The following KIF26B variants were observed in gnomAD, a reference collection of about 807,000 sequenced individuals.
The protein encoded by KIF26B is kinesin family member 26B, also known as kinesin-like protein KIF26B.
A neutral mutation model predicts 151.2 loss-of-function variants in KIF26B; 63 were observed. The ratio of observed to expected loss-of-function variants is 0.42; its 90% CI spans 0.34 to 0.51. The LOEUF (loss-of-function observed/expected upper bound fraction) is 0.51. Ranked by LOEUF, KIF26B falls within the 20% of genes least tolerant of loss-of-function variation. KIF26B has a pLI of 0.07. For missense variants in KIF26B, 2,813 were observed against 2,913.6 expected (o/e 0.97, Z 0.79); for synonymous variants, 1,357 against 1,262.1 (o/e 1.08, Z -1.59).
intron 4 of KIF26B, among the ~76,000 whole-genome samples, chr1:245,471,123 G>GTATATATATATATATATATATATA (rs200717016): frequency 6.4e-5 from 9 of 139,660 alleles, no homozygotes; most frequent in African/African-American, 2.3e-4. Flanking sequence ...GTATGTGTGT[G>GTATATATATATATATATATATATA]TGTGTGTGTA....
At chr1:245,189,587 G>T (rs567472186) in intron 2 of KIF26B, among the ~76,000 whole-genome samples, 1 of 152,108 alleles carries the variant, frequency 6.6e-6, no homozygotes, top group African/African-American at 2.4e-5. Flanking sequence ...CTAGATGTCC[G>T]CTGAGAGTTT....
chr1:245,397,408 G>T (rs942749100), intron 3 of KIF26B, among the ~76,000 whole-genome samples: 2 of 151,982 alleles, frequency 1.3e-5, no homozygotes, highest in African/African-American at 4.8e-5. Context: ...TAGAAATGGT[G>T]TTTCACCATG....
intron 5 of KIF26B, among the ~76,000 whole-genome samples, chr1:245,577,696 CG>C (rs1283575746): frequency 6.8e-6 from 1 of 146,650 alleles, no homozygotes; most frequent in African/African-American, 2.5e-5. Flanking sequence ...GAACTCCGGG[CG>C]ATGCATCTCC....
At chr1:245,640,203 C>T (rs1271323168) in intron 9 of KIF26B, among the ~76,000 whole-genome samples, 1 of 140,204 alleles carries the variant, frequency 7.1e-6, no homozygotes, top group Admixed American at 7.4e-5. Context: ...GTTATATCCT[C>T]TTTCAGAATT....
chr1:245,638,098 T>C (rs187312604), intron 9 of KIF26B, among the ~76,000 whole-genome samples: 2 of 152,158 alleles, frequency 1.3e-5, no homozygotes, highest in African/African-American at 4.8e-5. Flanking sequence ...TTGGGTAGTA[T>C]AGACATTTTA....
In KIF26B at chr1:245,704,910, G is replaced by C. The variant is rs911151279; in HGVS notation, c.*2304G>C. 2 of 152,176 alleles carry C rather than the reference G, an allele frequency of 1.3e-5. No individual in the cohort carries two copies. Among genetic ancestry groups the C allele is most frequent in the African/African-American group, 2.4e-5 (1 of 41,428 alleles). The allele number at this position is 152,176 out of a possible 1,614,324, so 9.4% of individuals were successfully genotyped here. On this transcript the variant is annotated 3_prime_UTR_variant, in exon 15 of 15. Coordinates refer to ENST00000407071, the MANE Select transcript of KIF26B (RefSeq NM_018012.4). ...AAAGGTGAATATTCTGTTTTTGTTG[G>C]AAAGAAACTCATCTGATGAGTCATC...
Position 245,291,840 on chromosome 1 carries a change from A to G in KIF26B, c.466-74994A>G, listed in dbSNP as rs1671257976. On this transcript the variant is annotated intron_variant, in intron 2 of 14. Transcript: ENST00000407071. Reference sequence around the variant, plus strand: ...GGGCCCAGAGACGGTACGGTGGAGCACTTTTCAGAGAGAGGGAGTGTGCAG... The same window carrying G: ...GGGCCCAGAGACGGTACGGTGGAGCGCTTTTCAGAGAGAGGGAGTGTGCAG... Among the ~76,000 whole-genome samples, 3 of 152,216 alleles carry G rather than the reference A, an allele frequency of 2.0e-5. No individual in the cohort carries two copies. In the South Asian group the frequency reaches 6.2e-4, roughly 32 times the overall value.
At chr1:245,176,288 G>GTAAT (rs1456844169) in intron 2 of KIF26B, among the ~76,000 whole-genome samples, 1 of 152,028 alleles carries the variant, frequency 6.6e-6, no homozygotes, top group Non-Finnish European at 1.5e-5. Flanking sequence ...CGTGAGCCTT[G>GTAAT]TAATTACAGG....
intron 9 of KIF26B, among the ~76,000 whole-genome samples, 200 bp from the exon 10 acceptor site, chr1:245,645,921 C>T (rs891572909): frequency 6.6e-6 from 1 of 152,150 alleles, no homozygotes; most frequent in South Asian, 2.1e-4. Flanking sequence ...GTCAGTGGTG[C>T]GTGGTGGAAA....
intron 2 of KIF26B, among the ~76,000 whole-genome samples, chr1:245,355,755 T>C (rs1482796441): frequency 6.6e-6 from 1 of 152,212 alleles, no homozygotes; most frequent in African/African-American, 2.4e-5. Context: ...TGTCTTGAAT[T>C]ATTTTGTATA....
In KIF26B at chr1:245,540,854, C is replaced by G. The variant is rs1420156154; in HGVS notation, c.1254C>G (p.Thr418=). 9 of 1,613,812 alleles carry G rather than the reference C, an allele frequency of 5.6e-6. No individual in the cohort carries two copies. The highest frequency in any genetic ancestry group is 7.6e-6 in the Non-Finnish European group (9 of 1,179,854). ...SSAAEPPLFA[T]SFSGILQTSP... is the part of the protein sequence containing the mutation. Reference sequence around the variant, plus strand: ...CTGCCGAACCACCGCTCTTTGCAACCAGCTTCAGTGGGATTCTGCAGACCT... The same window carrying G: ...CTGCCGAACCACCGCTCTTTGCAACGAGCTTCAGTGGGATTCTGCAGACCT... Residue 418 remains threonine, a synonymous_variant, in exon 5 of 15, where the codon ACC becomes ACG. Coordinates refer to ENST00000407071, the MANE Select transcript of KIF26B (RefSeq NM_018012.4). This position sits in a 1 kb window ranked among gnomAD's most constrained non-coding sequence, Gnocchi z 4.6.
At chr1:245,420,354 G>A (rs907411384) in intron 4 of KIF26B, among the ~76,000 whole-genome samples, 27 of 152,210 alleles carry the variant, frequency 1.8e-4, no homozygotes, top group Admixed American at 1.0e-3. Flanking sequence ...GACGGGGCGG[G>A]AGACGAAGGA....
intron 2 of KIF26B, among the ~76,000 whole-genome samples, chr1:245,271,564 G>A (rs1670856650): frequency 1.4e-5 from 2 of 147,048 alleles, no homozygotes; most frequent in Non-Finnish European, 3.0e-5. Flanking sequence ...ATGAAAGGAT[G>A]TTGAATTCAG....
rs982127804 is a variant in KIF26B at position 245,688,479 on chromosome 1, C to CG, written c.5503dup (p.Ala1835GlyfsTer154). ...GGGCCGGGCCCGAGGCGGAGGCGCG[C>CG]GGGGGGGCCCTGGCCGAGGACGAGC... On this transcript the variant is annotated frameshift_variant, in exon 12 of 15. Transcript: ENST00000407071. LOFTEE classifies it high-confidence loss of function. The CG allele has an allele frequency of 1.7e-5, 24 of 1,385,446 alleles. No individual in the cohort carries two copies. Among genetic ancestry groups the CG allele is most frequent in the South Asian group, 1.0e-4 (6 of 59,036 alleles). The allele number at this position is 1,385,446 out of a possible 1,614,324, so 85.8% of individuals were successfully genotyped here.
intron 2 of KIF26B, among the ~76,000 whole-genome samples, chr1:245,322,130 C>A (rs1307106352): frequency 1.3e-5 from 2 of 152,122 alleles, no homozygotes; most frequent in African/African-American, 2.4e-5. Context: ...AACAAAAAAA[C>A]CAAACACCGC....
At chr1:245,460,355 A>C (rs1659620731) in intron 4 of KIF26B, among the ~76,000 whole-genome samples, 1 of 152,126 alleles carries the variant, frequency 6.6e-6, no homozygotes, top group African/African-American at 2.4e-5. Context: ...CTCTTAAATC[A>C]GAGATTGCAA....
intron 5 of KIF26B, among the ~76,000 whole-genome samples, chr1:245,582,539 C>G (rs1237645768): frequency 2.0e-5 from 3 of 152,062 alleles, no homozygotes; most frequent in Admixed American, 6.6e-5. Flanking sequence ...TTAACTCGTT[C>G]CATAAAACTT....
At chr1:245,271,798 A>G (rs564986411) in intron 2 of KIF26B, among the ~76,000 whole-genome samples, 1 of 152,220 alleles carries the variant, frequency 6.6e-6, no homozygotes, top group East Asian at 1.9e-4. Flanking sequence ...CATCAGGGAT[A>G]TTGGGCTGTA....
intron 2 of KIF26B, among the ~76,000 whole-genome samples, chr1:245,179,904 A>G (rs1207753574): frequency 3.3e-5 from 5 of 152,180 alleles, no homozygotes; most frequent in Non-Finnish European, 7.3e-5. Context: ...GGCATGAAGC[A>G]CCTGGCGCAT....
Sources: gnomAD v4.1 joint callset for allele counts (sites outside exome capture counted in the v4.1 genomes callset) on GRCh38, gnomAD v4.1.1 for gene constraint, Gnocchi (gnomAD v3.1) non-coding constraint, MANE v1.5 for transcripts, NCBI Gene and HGNC (gene_info 2026-07-23, HGNC 2026-07-21) for gene names.